Variants in SASH1 observed in about 807,000 individuals in gnomAD.
SASH1 encodes the protein SAM and SH3 domain-containing protein 1.
Under a neutral mutation model 125.2 loss-of-function variants are expected in SASH1, and 44 were observed. The ratio of observed to expected loss-of-function variants is 0.35; its 90% CI spans 0.28 to 0.45. The LOEUF (loss-of-function observed/expected upper bound fraction) is 0.45. Among genes scored for constraint, SASH1 ranks in the 20% least tolerant of loss-of-function variants. SASH1 has a pLI of 1.00. For missense variants in SASH1, 1,426 were observed against 1,614.5 expected (o/e 0.88, Z 2.00); for synonymous variants, 639 against 649.1 (o/e 0.98, Z 0.24).
chr6:148,449,656 G>T (rs1338117748), intron 4 of SASH1, among the ~76,000 whole-genome samples: 4 of 152,138 alleles, frequency 2.6e-5, no homozygotes, highest in South Asian at 4.1e-4. Flanking sequence ...CAAAGTGCTG[G>T]GATTACAGGT....
At chr6:148,406,339 A>AT (rs1160367572) in intron 2 of SASH1, among the ~76,000 whole-genome samples, 1 of 151,154 alleles carries the variant, frequency 6.6e-6, no homozygotes, top group African/African-American at 2.4e-5. Context: ...GCTGCAAGAG[A>AT]TAAAAAAAAA....
At chr6:148,326,414 C>CTTTTCTT (rs57839850) in intron 1 of SASH1, among the ~76,000 whole-genome samples, 1 of 83,978 alleles carries the variant, frequency 1.2e-5, no homozygotes, top group Admixed American at 1.6e-4. Flanking sequence ...CTTTTCTTTT[C>CTTTTCTT]TTTTTTTTGA....
chr6:148,321,444 A>C (rs1780631993), intron 1 of SASH1, among the ~76,000 whole-genome samples: 1 of 152,052 alleles, frequency 6.6e-6, no homozygotes, highest in Non-Finnish European at 1.5e-5. Context: ...TGAAAGATCA[A>C]AATGAAGCTC....
chr6:148,440,551 G>A (rs1776501916), intron 4 of SASH1, 144 bp downstream of exon 4: 3 of 686,692 alleles, frequency 4.4e-6, no homozygotes, highest in Admixed American at 2.5e-5. Flanking sequence ...GCATGCATGT[G>A]TGTGTATCTA....
rs531775326 is a variant in SASH1, at chr6:148,495,776, C to T, written c.729+8061C>T. Among the ~76,000 whole-genome samples the T allele has an allele frequency of 2.0e-3, 307 of 152,220 alleles. No homozygotes were observed. The highest frequency in any genetic ancestry group is 3.8e-3 in the Non-Finnish European group (256 of 68,016). The stretch of plus-strand genomic sequence containing the variant: ...AGTACTTCAGTCGGCGTTGTAGGTC[C>T]GGTGAAAGTATCCCCAAGAAAATGA... On this transcript the variant is annotated intron_variant, in intron 8 of 19. Coordinates refer to ENST00000367467, the MANE Select transcript of SASH1 (RefSeq NM_015278.5). The surrounding 1 kb of genome is among the most constrained non-coding windows in gnomAD (Gnocchi z 4.0).
chr6:148,492,651 C>G (rs929170555), intron 8 of SASH1, among the ~76,000 whole-genome samples: 1 of 151,818 alleles, frequency 6.6e-6, no homozygotes, highest in African/African-American at 2.4e-5. Context: ...AACCCGGTCT[C>G]TACAAAAATA....
chr6:148,333,588 GTCT>G lies in SASH1; in HGVS notation n.75-56544_75-56542del, dbSNP rs79569014. Among the ~76,000 whole-genome samples, 3,378 of 152,170 alleles carry G rather than the reference GTCT, an allele frequency of 0.022. 282 individuals are homozygous for G. The East Asian group carries it at 0.25, about 11-fold the overall frequency. Reference sequence around the variant, plus strand: ...TCGCTGTTGTTGTTGTTGAGATGGAGTCTTACTCTGTCGCCCAGGCTGGAGTGC... The same window carrying G: ...TCGCTGTTGTTGTTGTTGAGATGGAGTACTCTGTCGCCCAGGCTGGAGTGC... On this transcript the variant is annotated intron_variant and non_coding_transcript_variant, in intron 1 of 3. Transcript: ENST00000367469.
chr6:148,498,460 A>G (rs146035465), intron 8 of SASH1, among the ~76,000 whole-genome samples: 2 of 152,236 alleles, frequency 1.3e-5, no homozygotes, highest in Non-Finnish European at 2.9e-5. Flanking sequence ...ATAAAAACAA[A>G]TGACAAAATA....
intron 17 of SASH1, among the ~76,000 whole-genome samples, chr6:148,541,885 T>C (rs1450669516): frequency 6.6e-6 from 1 of 152,198 alleles, no homozygotes; most frequent in Non-Finnish European, 1.5e-5. Flanking sequence ...CCAAACTATA[T>C]ATAATATTCA....
rs1781616779 is a variant in SASH1 at position 148,533,016 on chromosome 6, C to T, written c.1734+50C>T. On this transcript the variant is annotated intron_variant, in intron 14 of 19. Transcript: ENST00000367467. This position sits in a 1 kb window ranked among gnomAD's most constrained non-coding sequence, Gnocchi z 6.2. Reference sequence around the variant, plus strand: ...CAGCTAACTGGGCTCTTCCATTTCTCTAGGAGGCTTTCTTTCCTCCTCACT... The same window carrying T: ...CAGCTAACTGGGCTCTTCCATTTCTTTAGGAGGCTTTCTTTCCTCCTCACT... The T allele has an allele frequency of 6.3e-7, 1 of 1,590,118 alleles. No homozygotes were observed.
Position 148,543,723 on chromosome 6 carries a change from C to T in SASH1, c.2253C>T (p.Thr751=), listed in dbSNP as rs758187537. ...GCCTCCTATCTGCCAAGTCATCCAC[C>T]GAGCCCAGCTTGAAGTCTTTTAGCA... ...KASLLSAKSS[T]EPSLKSFSRN... is the part of the protein sequence containing the mutation. Residue 751 remains threonine (T), a synonymous_variant, in exon 18 of 20, where the codon ACC becomes ACT. Transcript: ENST00000367467. 6 of 1,579,978 alleles carry T rather than the reference C, an allele frequency of 3.8e-6. No homozygotes were observed. The highest frequency in any genetic ancestry group is 2.3e-5 in the East Asian group (1 of 44,434).
At chr6:148,534,001 G>A in intron 15 of SASH1, 21 bp downstream of exon 15, 3 of 1,608,026 alleles carry the variant, frequency 1.9e-6, no homozygotes, top group Non-Finnish European at 2.6e-6. Flanking sequence ...TCTGATTCTT[G>A]TCACACGCTA....
At chr6:148,259,598 G>A in the SASH1 span, among the ~76,000 whole-genome samples, 2 of 152,148 alleles carry the variant, frequency 1.3e-5, no homozygotes, top group African/African-American at 2.4e-5. Flanking sequence ...GGCTAGGTCT[G>A]TCCTGCTCAT....
At chr6:148,417,471 G>T (rs531383274) in intron 2 of SASH1, among the ~76,000 whole-genome samples, 1 of 152,146 alleles carries the variant, frequency 6.6e-6, no homozygotes, top group Non-Finnish European at 1.5e-5. Flanking sequence ...TGTAGTCCCA[G>T]CTACTCGAGA....
At chr6:148,321,658 A>T (rs567941498) in intron 1 of SASH1, among the ~76,000 whole-genome samples, 1 of 152,320 alleles carries the variant, frequency 6.6e-6, no homozygotes, top group South Asian at 2.1e-4. Flanking sequence ...AGCTCATCAA[A>T]ATCAGGATTT....
chr6:148,459,480 C>T (rs1000267273), intron 4 of SASH1, among the ~76,000 whole-genome samples: 38 of 152,192 alleles, frequency 2.5e-4, no homozygotes, highest in African/African-American at 8.2e-4. Flanking sequence ...CATTAACTTT[C>T]GGTACAAGTC....
intron 2 of SASH1, among the ~76,000 whole-genome samples, chr6:148,417,759 C>G (rs1196542096): frequency 6.6e-6 from 1 of 151,920 alleles, no homozygotes; most frequent in Non-Finnish European, 1.5e-5. Context: ...AAGTTCCTAC[C>G]TTATAAGTTT....
At chr6:148,228,114 C>T in the SASH1 span, among the ~76,000 whole-genome samples, 1 of 152,042 alleles carries the variant, frequency 6.6e-6, no homozygotes, top group African/African-American at 2.4e-5. Context: ...TTTTGATGTG[C>T]CTGCAAAAAT....
At chr6:148,489,155 A>T (rs2115213609) in intron 8 of SASH1, among the ~76,000 whole-genome samples, 1 of 152,300 alleles carries the variant, frequency 6.6e-6, no homozygotes, top group Non-Finnish European at 1.5e-5. Context: ...ATATGATGAA[A>T]TATATGGGTC....
Sources: allele counts gnomAD v4.1 joint callset (sites outside exome capture counted in the v4.1 genomes callset), GRCh38; gene constraint gnomAD v4.1.1; non-coding constraint Gnocchi (gnomAD v3.1); transcripts MANE v1.5; gene names NCBI Gene and HGNC (gene_info 2026-07-23, HGNC 2026-07-21).